Variants in KAZN observed in about 807,000 individuals in gnomAD.
KAZN encodes kazrin, periplakin interacting protein, also known as kazrin.
Under a neutral mutation model 87.4 loss-of-function variants are expected in KAZN, and 40 were observed. The ratio of observed to expected loss-of-function variants is 0.46; its 90% CI spans 0.36 to 0.60. KAZN has a LOEUF of 0.60. KAZN is among the 20% of genes least tolerant of loss of function. The probability of loss-of-function intolerance (pLI) is 0.00; values close to 1 mark genes in which losing one functional copy is unlikely to be tolerated. For synonymous variants in KAZN, 466 were observed against 458.3 expected, an observed-to-expected ratio of 1.02 and a Z score of -0.22; for missense variants, 898 against 1,073.9, an observed-to-expected ratio of 0.84 and a Z score of 2.29.
chr1:14,127,335 G>A (rs897735212), intron 1 of KAZN, among the ~76,000 whole-genome samples: 2 of 151,314 alleles, frequency 1.3e-5, no homozygotes, highest in Admixed American at 6.6e-5. Context: ...TAGAGGTAAT[G>A]TAGGATCCAT....
chr1:14,798,296 C>A (rs6700404), intron 1 of KAZN, among the ~76,000 whole-genome samples: 91,021 of 151,274 alleles, frequency 0.6, 27,368 homozygotes, highest in East Asian at 0.73. Flanking sequence ...CAAAGTAGAA[C>A]ATAATTAAGT....
chr1:14,706,807 CCTGA>C (rs2148814787), intron 1 of KAZN, among the ~76,000 whole-genome samples: 1 of 152,258 alleles, frequency 6.6e-6, no homozygotes, highest in African/African-American at 2.4e-5. Flanking sequence ...TTTCCTGCTG[CCTGA>C]CTGACAAAGG....
chr1:13,894,302 C>T (rs985434143), intron 1 of KAZN, among the ~76,000 whole-genome samples: 2 of 152,154 alleles, frequency 1.3e-5, no homozygotes, highest in African/African-American at 4.8e-5. Flanking sequence ...AATTTGTCTT[C>T]CAAATGGCTC....
At chr1:15,071,599 C>CA (rs1379757156) in intron 8 of KAZN, among the ~76,000 whole-genome samples, 3 of 152,196 alleles carry the variant, frequency 2.0e-5, no homozygotes, top group Non-Finnish European at 4.4e-5. Flanking sequence ...GATGATGTCT[C>CA]AAAGTCCCGT....
intron 1 of KAZN, among the ~76,000 whole-genome samples, chr1:14,141,794 C>T (rs1355805762): frequency 6.6e-6 from 1 of 152,064 alleles, no homozygotes; most frequent in Non-Finnish European, 1.5e-5. Flanking sequence ...AGAAAAATCT[C>T]TGTGTTTGGA....
chr1:13,930,306 A>G (rs1045458662), intron 1 of KAZN, among the ~76,000 whole-genome samples: 13 of 152,230 alleles, frequency 8.5e-5, no homozygotes, highest in Non-Finnish European at 1.5e-4. Flanking sequence ...CTGCTTCTCC[A>G]TGCAGTAGAC....
chr1:14,905,745 G>A (rs533979800), intron 1 of KAZN, among the ~76,000 whole-genome samples: 2 of 151,882 alleles, frequency 1.3e-5, no homozygotes, highest in East Asian at 1.9e-4. Flanking sequence ...TCGGGAGGCT[G>A]AGGCAGGAGA....
intron 2 of KAZN, among the ~76,000 whole-genome samples, chr1:14,468,618 A>G (rs1668287354): frequency 6.6e-6 from 1 of 152,218 alleles, no homozygotes. Flanking sequence ...AAGAACCGGG[A>G]AGAACACATT....
At chr1:14,149,348 C>A (rs560392198) in intron 1 of KAZN, among the ~76,000 whole-genome samples, 1 of 151,696 alleles carries the variant, frequency 6.6e-6, no homozygotes, top group South Asian at 2.1e-4. Context: ...ACCTCGTGAT[C>A]CACCTGCCTC....
chr1:14,752,647 T>G (rs1290151192), intron 1 of KAZN, among the ~76,000 whole-genome samples: 3 of 152,054 alleles, frequency 2.0e-5, no homozygotes, highest in Non-Finnish European at 4.4e-5. Context: ...CCAATCCCAT[T>G]CATGAGGGCA....
intron 1 of KAZN, among the ~76,000 whole-genome samples, chr1:14,748,919 A>G (rs950576740): frequency 5.9e-5 from 9 of 152,224 alleles, no homozygotes; most frequent in African/African-American, 2.2e-4. Flanking sequence ...TAAGTGAGCC[A>G]CGAATTTGAG....
chr1:14,302,327 A>G (rs1326832672), intron 2 of KAZN, among the ~76,000 whole-genome samples: 2 of 152,230 alleles, frequency 1.3e-5, no homozygotes, highest in Admixed American at 6.5e-5. Flanking sequence ...ATGTGGAAGC[A>G]GGTATAGCCT....
rs149961406 is a variant in KAZN at position 14,330,860 on chromosome 1, C to T, written c.249+150268C>T. Among the ~76,000 whole-genome samples the T allele has an allele frequency of 1.8e-4, 28 of 152,218 alleles. 1 individual carries two copies. Among genetic ancestry groups the T allele is most frequent in the Admixed American group, 1.8e-3 (28 of 15,298 alleles). On this transcript the variant is annotated intron_variant, in intron 2 of 16. Coordinates refer to the KAZN transcript ENST00000636203. ...TATATGTGTAAATCTGGAAAGACTC[C>T]CGGGATATATCACTACCTGACAAGT...
At chr1:14,097,607 T>G (rs766031542) in intron 1 of KAZN, among the ~76,000 whole-genome samples, 27 of 152,158 alleles carry the variant, frequency 1.8e-4, no homozygotes, top group Non-Finnish European at 3.8e-4. Flanking sequence ...ATAATGTATG[T>G]GAGGGGTGTG....
intron 2 of KAZN, among the ~76,000 whole-genome samples, chr1:14,298,899 C>G (rs1444462028): frequency 1.3e-5 from 2 of 152,238 alleles, no homozygotes; most frequent in African/African-American, 4.8e-5. Flanking sequence ...CTCACTGGCA[C>G]TCCAGCTTGC....
chr1:15,054,779 A>G (rs1247362622), intron 4 of KAZN, among the ~76,000 whole-genome samples: 1 of 152,278 alleles, frequency 6.6e-6, no homozygotes, highest in African/African-American at 2.4e-5. Flanking sequence ...AAGGGGAGAT[A>G]ACACAGCTGA....
chr1:14,238,428 C>T (rs909346178), intron 2 of KAZN, among the ~76,000 whole-genome samples: 2 of 152,162 alleles, frequency 1.3e-5, no homozygotes, highest in Admixed American at 1.3e-4. Flanking sequence ...TTTTCCGGCC[C>T]TCATATCGAG....
At chr1:14,470,720 T>C (rs1668411156) in intron 2 of KAZN, among the ~76,000 whole-genome samples, 2 of 152,160 alleles carry the variant, frequency 1.3e-5, no homozygotes, top group African/African-American at 4.8e-5. Context: ...GCAAGCCATT[T>C]TCAGTTCCTT....
intron 2 of KAZN, among the ~76,000 whole-genome samples, chr1:14,384,224 A>G (rs879683523): frequency 1.4e-4 from 21 of 151,584 alleles, no homozygotes; most frequent in Non-Finnish European, 1.3e-4. Context: ...GGCTGAGACA[A>G]TGGGGTTTTC....
Sources: allele counts gnomAD v4.1 joint callset (sites outside exome capture counted in the v4.1 genomes callset), GRCh38; gene constraint gnomAD v4.1.1; transcripts MANE v1.5; gene names NCBI Gene and HGNC (gene_info 2026-07-23, HGNC 2026-07-21).